KAZN: variants seen among roughly 807,000 people sequenced by gnomAD.
The protein encoded by KAZN is kazrin.
In KAZN, 40 loss-of-function variants were observed where a neutral mutation model predicts 87.4. That is an observed-to-expected ratio of 0.46 (90% CI 0.36 to 0.60). The LOEUF (loss-of-function observed/expected upper bound fraction) is 0.60, where lower values mean the gene tolerates loss of function less well. KAZN is among the 20% of genes least tolerant of loss of function. KAZN has a pLI of 0.00. For missense variants in KAZN, 898 were observed against 1,073.9 expected, an observed-to-expected ratio of 0.84 and a Z score of 2.29; for synonymous variants, 466 against 458.3, an observed-to-expected ratio of 1.02 and a Z score of -0.22.
At chr1:14,717,113 ATC>A in intron 1 of KAZN, among the ~76,000 whole-genome samples, 1 of 150,014 alleles carries the variant, frequency 6.7e-6, no homozygotes, top group Admixed American at 6.7e-5. Flanking sequence ...TCTCTGATTT[ATC>A]TGTGTCGTCC....
intron 1 of KAZN, among the ~76,000 whole-genome samples, chr1:14,748,576 G>A (rs925997190): frequency 1.3e-4 from 20 of 152,338 alleles, no homozygotes; most frequent in South Asian, 2.1e-4. Flanking sequence ...GAGGCAATGC[G>A]TGTAAGTCAT....
chr1:14,563,721 C>T (rs1674382334), intron 2 of KAZN, among the ~76,000 whole-genome samples: 1 of 152,096 alleles, frequency 6.6e-6, no homozygotes. Flanking sequence ...ATCCTCTCAG[C>T]CCTGCCACAG....
At chr1:14,391,105 G>C (rs572293027) in intron 2 of KAZN, among the ~76,000 whole-genome samples, 6 of 152,208 alleles carry the variant, frequency 3.9e-5, no homozygotes, top group Admixed American at 3.9e-4. Flanking sequence ...GGAGACATAA[G>C]CCAGAGGCCA....
intron 2 of KAZN, among the ~76,000 whole-genome samples, chr1:14,587,758 A>G (rs991559324): frequency 3.3e-5 from 5 of 152,114 alleles, no homozygotes; most frequent in African/African-American, 1.2e-4. Context: ...ATCACCTCCC[A>G]CCAGGCCCCA....
chr1:14,199,811 C>T (rs537847231), intron 2 of KAZN, among the ~76,000 whole-genome samples: 68 of 152,256 alleles, frequency 4.5e-4, no homozygotes, highest in South Asian at 2.3e-3. Context: ...GCTTCTGCAT[C>T]TCTGGCTTGC....
intron 1 of KAZN, among the ~76,000 whole-genome samples, chr1:14,945,683 T>C (rs1316389717): frequency 6.6e-6 from 1 of 152,236 alleles, no homozygotes; most frequent in Non-Finnish European, 1.5e-5. Flanking sequence ...ACATTTAAAG[T>C]ATGCAAAGCA....
At chr1:14,561,536 G>A (rs928645520) in intron 2 of KAZN, among the ~76,000 whole-genome samples, 1 of 152,176 alleles carries the variant, frequency 6.6e-6, no homozygotes, top group African/African-American at 2.4e-5. Context: ...AGTGGCTGCA[G>A]GTGGGAAACT....
chr1:14,823,166 G>A (rs1044123358), intron 1 of KAZN, among the ~76,000 whole-genome samples: 14 of 152,274 alleles, frequency 9.2e-5, no homozygotes, highest in Admixed American at 2.6e-4. Context: ...CCGTCGCCTC[G>A]GCCACACATG....
chr1:14,167,050 G>C (rs1180405584), intron 1 of KAZN, among the ~76,000 whole-genome samples: 2 of 152,182 alleles, frequency 1.3e-5, no homozygotes, highest in Non-Finnish European at 2.9e-5. Flanking sequence ...CAAATCTCAA[G>C]CTTTGTCATC....
chr1:14,858,214 C>CTTTTTTTTTTTTTTTTTTTTTTTTTT (rs71000342), intron 1 of KAZN, among the ~76,000 whole-genome samples: 1 of 117,030 alleles, frequency 8.5e-6, no homozygotes, highest in Admixed American at 9.1e-5. Context: ...TTTTTCTTTT[C>CTTTTTTTTTTTTTTTTTTTTTTTTTT]TTTTTTTTTT....
chr1:14,085,674 G>A lies in KAZN; in HGVS notation c.92-94761G>A, dbSNP rs551863574. Among the ~76,000 whole-genome samples, 9 of 151,982 alleles carry A rather than the reference G, an allele frequency of 5.9e-5. No individual in the cohort carries two copies. The South Asian group carries it at 1.9e-3, about 32-fold the overall frequency. On this transcript the variant is annotated intron_variant, in intron 1 of 16. Coordinates refer to the KAZN transcript ENST00000636203. ...ACGATTCACAGGTGATGGACATTTG[G>A]GCTCCTCCTAGTTTTAGGCAATGAA...
At chr1:14,908,069 G>A (rs1286844217) in intron 1 of KAZN, among the ~76,000 whole-genome samples, 1 of 152,202 alleles carries the variant, frequency 6.6e-6, no homozygotes, top group South Asian at 2.1e-4. Context: ...AAGCCAAGAG[G>A]CGGTTCTAGA....
intron 2 of KAZN, among the ~76,000 whole-genome samples, chr1:14,235,612 A>T (rs1210735104): frequency 6.6e-6 from 1 of 152,220 alleles, no homozygotes; most frequent in Non-Finnish European, 1.5e-5. Context: ...GTGGTACGTG[A>T]ATTATATCTC....
intron 1 of KAZN, among the ~76,000 whole-genome samples, chr1:14,738,839 A>C (rs1273924521): frequency 1.3e-5 from 2 of 152,168 alleles, no homozygotes; most frequent in Non-Finnish European, 2.9e-5. Flanking sequence ...AACTTGCTGA[A>C]GGCCACACAG....
intron 1 of KAZN, among the ~76,000 whole-genome samples, chr1:14,827,125 C>G (rs756482409): frequency 2.6e-5 from 4 of 152,168 alleles, no homozygotes; most frequent in Non-Finnish European, 5.9e-5. Flanking sequence ...GGGATGGGCC[C>G]AGTCCTGAGG....
rs549092023 is a variant in KAZN, at chr1:14,251,643, C to CTTTTTTTTTTTTTTTTTTTTTTTTT, written c.249+71052_249+71076dup. Among the ~76,000 whole-genome samples, 5 of 90,344 alleles carry CTTTTTTTTTTTTTTTTTTTTTTTTT rather than the reference C, an allele frequency of 5.5e-5. 1 individual carries two copies. Among genetic ancestry groups the CTTTTTTTTTTTTTTTTTTTTTTTTT allele is most frequent in the African/African-American group, 2.9e-4 (5 of 17,088 alleles). 59.3% of individuals were successfully genotyped at this position (90,344 alleles called of 152,430 possible). A position where few individuals can be genotyped will look rare whatever the true frequency, so the allele number is the denominator to read the frequency against. On this transcript the variant is annotated intron_variant, in intron 2 of 16. Transcript: ENST00000636203. ...AGGCACAGTGAAAAGTTCTCCCGGA[C>CTTTTTTTTTTTTTTTTTTTTTTTTT]TTTTTTTTTTTTTTTTTTTTTTTTT...
chr1:14,193,710 A>G (rs1433532854), intron 2 of KAZN, among the ~76,000 whole-genome samples: 5 of 145,094 alleles, frequency 3.4e-5, no homozygotes, highest in Non-Finnish European at 7.6e-5. Flanking sequence ...ATAGTAGTGC[A>G]TTTCTTTTTT....
At chr1:14,434,584 A>G (rs1474426650) in intron 2 of KAZN, among the ~76,000 whole-genome samples, 1 of 152,210 alleles carries the variant, frequency 6.6e-6, no homozygotes, top group Non-Finnish European at 1.5e-5. Context: ...ATGGTGGATG[A>G]TGGAGCTGGC....
chr1:14,002,505 C>T (rs1639841523), intron 1 of KAZN, among the ~76,000 whole-genome samples: 1 of 152,210 alleles, frequency 6.6e-6, no homozygotes, highest in African/African-American at 2.4e-5. Context: ...TTGCCTTCTG[C>T]CATGATTCTG....
Sources: allele counts gnomAD v4.1 joint callset (sites outside exome capture counted in the v4.1 genomes callset), GRCh38; gene constraint gnomAD v4.1.1; transcripts MANE v1.5; gene names NCBI Gene and HGNC (gene_info 2026-07-23, HGNC 2026-07-21).